The following AKAP9 variants were observed in gnomAD, a reference collection of about 807,000 sequenced individuals.
The protein encoded by AKAP9 is A-kinase anchoring protein 9.
Under a neutral mutation model 488.5 loss-of-function variants are expected in AKAP9, and 311 were observed. The ratio of observed to expected loss-of-function variants is 0.64; its 90% CI spans 0.58 to 0.70. The LOEUF (loss-of-function observed/expected upper bound fraction) is 0.70. Ranked by LOEUF, AKAP9 falls within the 30% of genes least tolerant of loss-of-function variation. The probability of loss-of-function intolerance (pLI) is 0.00; values close to 1 mark genes in which losing one functional copy is unlikely to be tolerated. For synonymous variants in AKAP9, 1,462 were observed against 1,483.5 expected, an observed-to-expected ratio of 0.99 and a Z score of 0.33; for missense variants, 4,215 against 4,374.5, an observed-to-expected ratio of 0.96 and a Z score of 1.03.
intron 21 of AKAP9, among the ~76,000 whole-genome samples, chr7:92,048,645 G>A (rs1464422453): frequency 2.0e-5 from 3 of 152,218 alleles, no homozygotes; most frequent in Admixed American, 1.3e-4. Context: ...CATGGCTCAT[G>A]CCTGTAATCC....
chr7:92,094,957 TTCTC>T lies in AKAP9; in HGVS notation c.9579-59_9579-56del, dbSNP rs767432311. On this transcript the variant is annotated intron_variant, in intron 39 of 49. Transcript: ENST00000356239. ...CTCAACTTATCAGTAGAAGCTGTTT[TTCTC>T]TCTCTCATTATATGCTTCGTCAACA... The T allele has an allele frequency of 1.1e-4, 159 of 1,492,848 alleles. 1 individual carries two copies. Among genetic ancestry groups the T allele is most frequent in the Middle Eastern group, 6.0e-4 (3 of 5,030 alleles). The allele number at this position is 1,492,848 out of a possible 1,614,324, so 92.5% of individuals were successfully genotyped here.
intron 2 of AKAP9, among the ~76,000 whole-genome samples, chr7:91,979,865 T>C (rs906120323): frequency 3.9e-4 from 59 of 152,196 alleles, no homozygotes; most frequent in African/African-American, 1.4e-3. Flanking sequence ...TTAAAACTTA[T>C]GAATTGTTTA....
chr7:92,062,195 T>C (rs1452103052), intron 23 of AKAP9, 79 bp from the exon 24 acceptor site: 2 of 1,314,998 alleles, frequency 1.5e-6, no homozygotes, highest in Non-Finnish European at 2.2e-6. Flanking sequence ...ACAGTATACC[T>C]TTTGTTGTTT....
chr7:92,083,046 C>G, intron 32 of AKAP9, 124 bp from the exon 33 acceptor site: 2 of 1,155,990 alleles, frequency 1.7e-6, no homozygotes, highest in East Asian at 5.0e-5. Context: ...AATGTTTTTC[C>G]TACTACTCTG....
At chr7:92,072,614 T>C (rs958794378) in intron 28 of AKAP9, among the ~76,000 whole-genome samples, 7 of 152,012 alleles carry the variant, frequency 4.6e-5, no homozygotes, top group Non-Finnish European at 8.8e-5. Context: ...TATTAGAAAT[T>C]TAGAAATGCA....
chr7:92,073,929 C>A (rs561710099), intron 28 of AKAP9, among the ~76,000 whole-genome samples: 134 of 152,194 alleles, frequency 8.8e-4, no homozygotes, highest in African/African-American at 3.2e-3. Context: ...AGAAGAAAAC[C>A]TAGGCAATAC....
intron 1 of AKAP9, among the ~76,000 whole-genome samples, chr7:91,965,782 G>A (rs1794370399): frequency 6.6e-6 from 1 of 152,160 alleles, no homozygotes; most frequent in Admixed American, 6.5e-5. Flanking sequence ...CTGATGATTA[G>A]TAACATTGAG....
intron 22 of AKAP9, 127 bp downstream of exon 22, chr7:92,053,085 T>C (rs1808258629): frequency 1.3e-6 from 1 of 742,162 alleles, no homozygotes; most frequent in Non-Finnish European, 2.4e-6. Flanking sequence ...TGAATGCATA[T>C]GCATCTTAAT....
Position 92,002,024 on chromosome 7 carries a change from A to G in AKAP9, c.2107A>G (p.Lys703Glu), listed in dbSNP as rs373503280. The change falls in exon 8 of 50, where the codon AAA becomes GAA. Residue 703 changes from lysine (K) to glutamate (E), a missense_variant. By Grantham distance (56) the Lys-to-Glu change is moderately conservative. Transcript: ENST00000356239. ...ATTAATTTTGGAAATTTCAAAGCTA[A>G]AAGATTTACAGCAGTCTCTTGTAAA... ...NQLILEISKL[K>E]DLQQSLVNSK... 15 of 1,610,632 alleles carry G rather than the reference A, an allele frequency of 9.3e-6. No individual in the cohort carries two copies. The highest frequency in any genetic ancestry group is 1.1e-5 in the Non-Finnish European group (13 of 1,178,856).
At chr7:91,975,454 C>T (rs1183826198) in intron 2 of AKAP9, among the ~76,000 whole-genome samples, 3 of 152,174 alleles carry the variant, frequency 2.0e-5, no homozygotes, top group African/African-American at 7.2e-5. Context: ...GATCTTGTCT[C>T]CTGTACCCTT....
Position 92,105,884 on chromosome 7 carries a change from G to A in AKAP9, c.11416+121G>A, listed in dbSNP as rs891869750. The A allele has an allele frequency of 1.6e-5, 14 of 874,192 alleles. No individual in the cohort carries two copies. The African/African-American group carries it at 2.0e-4, about 12-fold the overall frequency. The allele number at this position is 874,192 out of a possible 1,614,324, so 54.2% of individuals were successfully genotyped here. On this transcript the variant is annotated intron_variant, in intron 47 of 49. Coordinates refer to ENST00000356239, the MANE Select transcript of AKAP9 (RefSeq NM_005751.5). ...TAGGAACCAGGCCGCACAGCAGCAG[G>A]TGAGCAGCGGGCATTACTGCCCGAG... is the stretch of plus-strand genomic sequence containing the variant.
chr7:92,108,592 G>A lies in AKAP9; in HGVS notation c.11645G>A (p.Arg3882Gln), dbSNP rs1490011304. Residue 3882 changes from arginine (R) to glutamine (Q), a missense_variant, in exon 49 of 50, where the codon CGG becomes CAG. Physicochemically the swap from Arg to Gln is conservative, Grantham distance 43. Transcript: ENST00000356239. ...AGAGCCCTAACAGATTATATCACTC[G>A]GCTAGAGGCACTGCAAAGACGACTT... ...PDRALTDYIT[R>Q]LEALQRRLGT... 7 of 1,614,084 alleles carry A rather than the reference G, an allele frequency of 4.3e-6. No homozygotes were observed. Among genetic ancestry groups the A allele is most frequent in the South Asian group, 1.1e-5 (1 of 91,074 alleles).
At chr7:92,009,337 A>G (rs566075370) in intron 8 of AKAP9, among the ~76,000 whole-genome samples, 35 of 152,356 alleles carry the variant, frequency 2.3e-4, no homozygotes, top group African/African-American at 7.9e-4. Flanking sequence ...AATACTATAA[A>G]TAAACATCCA....
intron 26 of AKAP9, among the ~76,000 whole-genome samples, chr7:92,069,341 C>T (rs1811304809): frequency 6.6e-6 from 1 of 152,050 alleles, no homozygotes; most frequent in Non-Finnish European, 1.5e-5. Context: ...TTCCCCTCTT[C>T]CTAGGTGGAG....
Position 92,096,788 on chromosome 7 carries a change from A to G in AKAP9, c.9829A>G (p.Ile3277Val), listed in dbSNP as rs1334061465. ...ACTACTGAACGAATCCCAGCAAAAA[A>G]TAGAATCACAGAGAATGCTATATGA... ...KQLLNESQQK[I>V]ESQRMLYDAQ... Residue 3277 changes from isoleucine to valine, a missense_variant, in exon 41 of 50, where the codon ATA (isoleucine) becomes GTA (valine). Physicochemically the swap from Ile to Val is conservative, Grantham distance 29. Transcript: ENST00000356239. 1.2e-6 allele frequency: 2 copies of G among 1,614,244 alleles called. No individual in the cohort carries two copies. The highest frequency in any genetic ancestry group is 8.5e-7 in the Non-Finnish European group (1 of 1,180,044).
Position 92,097,022 on chromosome 7 carries a change from A to G in AKAP9, c.10063A>G (p.Lys3355Glu). 6.2e-7 allele frequency: 1 copy of G among 1,614,230 alleles called. No individual in the cohort carries two copies. The highest frequency in any genetic ancestry group is 8.5e-7 in the Non-Finnish European group (1 of 1,180,030). ...LKELQKQLEE[K>E]HSRIVELLNE... ...AGAGCTGCAGAAACAGCTAGAGGAAAAACACAGTCGCATAGTAGAATTGTT... is the reference window on the plus strand; with the variant it reads ...AGAGCTGCAGAAACAGCTAGAGGAAGAACACAGTCGCATAGTAGAATTGTT... Residue 3355 changes from lysine (K) to glutamate (E), a missense_variant, in exon 41 of 50, where the codon AAA becomes GAA. Physicochemically the swap from Lys to Glu is moderately conservative, Grantham distance 56 (BLOSUM62 1). This residue lies in a region of AKAP9 where 1,476 missense variants were observed against 1,477.4 expected (regional missense o/e 1.00). Transcript: ENST00000356239.
chr7:91,973,587 A>G (rs1168939491), intron 1 of AKAP9, 124 bp from the exon 2 acceptor site: 2 of 1,065,470 alleles, frequency 1.9e-6, no homozygotes, highest in Non-Finnish European at 2.7e-6. Context: ...ATTGTTCTTT[A>G]TTTTTTCATT....
rs544300174 is a variant in AKAP9, at chr7:92,079,443, G to A, written c.7310G>A (p.Arg2437His). 43 of 1,614,066 alleles carry A rather than the reference G, an allele frequency of 2.7e-5. 1 individual carries two copies. The South Asian group carries it at 3.8e-4, about 14-fold the overall frequency. ...GAATTATTCAGCTTAAAGAGAGAAC[G>A]TGAAAGTGTGGAAAAGATTCAAAGC... The part of the protein sequence containing the change: ...TQELFSLKRE[R>H]ESVEKIQSIP... Residue 2437 changes from arginine (R) to histidine (H), a missense_variant, in exon 31 of 50, where the codon CGT becomes CAT. Transcript: ENST00000356239.
chr7:92,107,463 TTAA>T (rs1818693704), intron 48 of AKAP9, 41 bp downstream of exon 48: 1 of 1,589,778 alleles, frequency 6.3e-7, no homozygotes, highest in Admixed American at 1.7e-5. Context: ...GTTAAATGTA[TTAA>T]TATTTAACAG....
Sources: allele counts gnomAD v4.1 joint callset (sites outside exome capture counted in the v4.1 genomes callset), GRCh38; gene constraint gnomAD v4.1.1; regional missense constraint gnomAD v4.1.1; transcripts MANE v1.5; gene names NCBI Gene and HGNC (gene_info 2026-07-23, HGNC 2026-07-21).